The following LRBA variants were observed in gnomAD, a reference collection of about 807,000 sequenced individuals.
LRBA encodes the protein LPS responsive beige-like anchor protein.
A neutral mutation model predicts 330.0 loss-of-function variants in LRBA; 176 were observed. The observed-to-expected ratio is 0.53, with a 90% CI of 0.47 to 0.60. The LOEUF (loss-of-function observed/expected upper bound fraction) is 0.60, where lower values mean the gene tolerates loss of function less well. LRBA is among the 20% of genes least tolerant of loss of function. The pLI is 0.00. For synonymous variants in LRBA, 1,230 were observed against 1,193.0 expected, an observed-to-expected ratio of 1.03 and a Z score of -0.64; for missense variants, 3,259 against 3,444.8, an observed-to-expected ratio of 0.95 and a Z score of 1.35.
intron 33 of LRBA, among the ~76,000 whole-genome samples, chr4:150,802,835 C>A (rs1012693241): frequency 2.5e-4 from 38 of 151,766 alleles, no homozygotes; most frequent in African/African-American, 8.5e-4. Flanking sequence ...TCAGCCTGGG[C>A]AATGTGGCGA....
At chr4:150,645,106 A>C (rs1368026416) in intron 37 of LRBA, among the ~76,000 whole-genome samples, 1 of 151,270 alleles carries the variant, frequency 6.6e-6, no homozygotes, top group African/African-American at 2.4e-5. Context: ...GCAATTCAAA[A>C]AAAAGTTTTT....
intron 48 of LRBA, 134 bp downstream of exon 48, chr4:150,349,858 T>A (rs556062374): frequency 5.7e-6 from 4 of 696,006 alleles, no homozygotes; most frequent in Non-Finnish European, 9.2e-6. Context: ...TGATAAATTA[T>A]TCTGCTTAAG....
intron 22 of LRBA, among the ~76,000 whole-genome samples, chr4:150,859,311 G>C (rs1314996618): frequency 6.6e-6 from 1 of 152,116 alleles, no homozygotes; most frequent in Non-Finnish European, 1.5e-5. Context: ...TAAGGTGTTA[G>C]TTTTATGTGT....
At chr4:150,731,557 C>T (rs1297861140) in intron 36 of LRBA, among the ~76,000 whole-genome samples, 1 of 152,116 alleles carries the variant, frequency 6.6e-6, no homozygotes, top group South Asian at 2.1e-4. Flanking sequence ...AGACAAACAT[C>T]GCATGTTCTC....
intron 34 of LRBA, among the ~76,000 whole-genome samples, chr4:150,766,644 G>C (rs1199274569): frequency 6.6e-6 from 1 of 152,072 alleles, no homozygotes; most frequent in Non-Finnish European, 1.5e-5. Flanking sequence ...TAAAAGAAAA[G>C]CTTAATGGTC....
intron 44 of LRBA, among the ~76,000 whole-genome samples, chr4:150,458,650 G>A (rs978950051): frequency 6.6e-6 from 1 of 151,680 alleles, no homozygotes; most frequent in Non-Finnish European, 1.5e-5. Flanking sequence ...CCTTTTAGAA[G>A]ATATCTGCAT....
intron 55 of LRBA, among the ~76,000 whole-genome samples, chr4:150,281,835 TG>T (rs1413246769): frequency 8.5e-5 from 13 of 152,222 alleles, no homozygotes; most frequent in Admixed American, 7.9e-4. Context: ...CTAATACTTG[TG>T]GAGTCCTGTC....
At chr4:150,713,558 CG>C (rs1179483920) in intron 36 of LRBA, among the ~76,000 whole-genome samples, 1 of 152,118 alleles carries the variant, frequency 6.6e-6, no homozygotes, top group Non-Finnish European at 1.5e-5. Flanking sequence ...GTAACTGTAA[CG>C]TGGCAAAGTA....
In LRBA at chr4:150,943,784, C is replaced by G. The variant is rs140375062; in HGVS notation, c.217-14719G>C. Among the ~76,000 whole-genome samples, 6 of 152,242 alleles carry G rather than the reference C, an allele frequency of 3.9e-5. No homozygotes were observed. In the East Asian group the frequency reaches 1.2e-3, roughly 29 times the overall value. The stretch of plus-strand genomic sequence containing the variant: ...CACTAACCCCTCATCCCTTTCTGAA[C>G]CAGTCAGTCCAAAAGTCAAGCAACA... On this transcript the variant is annotated intron_variant, in intron 2 of 56. Coordinates refer to ENST00000651943, the MANE Select transcript of LRBA (RefSeq NM_001364905.1).
At chr4:150,839,008 T>A (rs1748617452) in intron 28 of LRBA, among the ~76,000 whole-genome samples, 1 of 152,178 alleles carries the variant, frequency 6.6e-6, no homozygotes, top group African/African-American at 2.4e-5. Context: ...AAAGGGCTAA[T>A]ATCCAGAATC....
At chr4:150,643,555 A>C (rs1224682834) in intron 37 of LRBA, among the ~76,000 whole-genome samples, 1 of 151,984 alleles carries the variant, frequency 6.6e-6, no homozygotes, top group Non-Finnish European at 1.5e-5. Context: ...CATGTGCAGA[A>C]GTTCTAATAC....
chr4:150,579,791 G>A (rs1159922275), intron 40 of LRBA: 1 of 452,070 alleles, frequency 2.2e-6, no homozygotes, highest in East Asian at 7.0e-5. Flanking sequence ...AACCAACTCC[G>A]CCACCCCTGA....
At chr4:151,003,627 C>G (rs1427040465) in intron 2 of LRBA, among the ~76,000 whole-genome samples, 1 of 151,636 alleles carries the variant, frequency 6.6e-6, no homozygotes, top group African/African-American at 2.4e-5. Context: ...CCCTTCTCTG[C>G]AAACAAAATT....
intron 40 of LRBA, among the ~76,000 whole-genome samples, chr4:150,513,863 T>A (rs1315804512): frequency 1.3e-5 from 2 of 152,126 alleles, no homozygotes; most frequent in African/African-American, 2.4e-5. Context: ...TTTGGGGAAA[T>A]ACACATCAGT....
chr4:150,468,633 G>C (rs1755734825), intron 43 of LRBA, among the ~76,000 whole-genome samples: 1 of 151,910 alleles, frequency 6.6e-6, no homozygotes, highest in African/African-American at 2.4e-5. Flanking sequence ...TTTTTAGTTA[G>C]ATTTAACATG....
At chr4:150,795,453 A>G (rs1740650434) in intron 34 of LRBA, among the ~76,000 whole-genome samples, 2 of 152,044 alleles carry the variant, frequency 1.3e-5, no homozygotes, top group Admixed American at 1.3e-4. Flanking sequence ...ATTTTAAGAA[A>G]TAAAGAGGAT....
At chr4:150,405,850 T>A (rs191403705) in intron 47 of LRBA, among the ~76,000 whole-genome samples, 104 of 151,440 alleles carry the variant, frequency 6.9e-4, no homozygotes, top group Non-Finnish European at 1.2e-3. Context: ...AGGTCAGGAG[T>A]TCAAGACCAG....
intron 37 of LRBA, among the ~76,000 whole-genome samples, chr4:150,648,244 C>T (rs1483679681): frequency 7.0e-6 from 1 of 141,940 alleles, no homozygotes; most frequent in Non-Finnish European, 1.5e-5. Flanking sequence ...GTGGTCTACA[C>T]AAACAAATAT....
intron 2 of LRBA, among the ~76,000 whole-genome samples, chr4:150,997,401 T>C (rs1283949965): frequency 1.3e-5 from 2 of 152,192 alleles, no homozygotes; most frequent in African/African-American, 4.8e-5. Context: ...ACTCAAACTA[T>C]TGTGTTTCAA....
Sources: gnomAD v4.1 joint callset for allele counts (sites outside exome capture counted in the v4.1 genomes callset) on GRCh38, gnomAD v4.1.1 for gene constraint, MANE v1.5 for transcripts, NCBI Gene and HGNC (gene_info 2026-07-23, HGNC 2026-07-21) for gene names.